Variants in DIXDC1 observed in about 807,000 individuals in gnomAD.
The protein encoded by DIXDC1 is dixin.
Under a neutral mutation model 103.1 loss-of-function variants are expected in DIXDC1, and 64 were observed. The observed-to-expected ratio is 0.62, with a 90% CI of 0.51 to 0.76. The LOEUF is 0.76. DIXDC1 is among the 30% of genes least tolerant of loss of function. DIXDC1 has a pLI of 0.00. For synonymous variants in DIXDC1, 266 were observed against 298.5 expected, an observed-to-expected ratio of 0.89 and a Z score of 1.12; for missense variants, 759 against 834.2, an observed-to-expected ratio of 0.91 and a Z score of 1.11.
intron 9 of DIXDC1, 44 bp downstream of exon 9, chr11:111,986,968 G>A (rs782300671): frequency 2.6e-6 from 4 of 1,520,566 alleles, no homozygotes; most frequent in Non-Finnish European, 3.6e-6. Context: ...AACATTATGG[G>A]GGCCAGGCAC....
In DIXDC1 at chr11:111,977,436, C is replaced by A. The variant is rs1860146943; in HGVS notation, c.656+2453C>A. ...GCCAGGGGGGATGCCCGGCACCGTGCGTCCGCGGAGGCCAAGATGCAGCGG... is the reference window on the plus strand; with the variant it reads ...GCCAGGGGGGATGCCCGGCACCGTGAGTCCGCGGAGGCCAAGATGCAGCGG... On this transcript the variant is annotated intron_variant, in intron 5 of 19. Coordinates refer to ENST00000440460, the MANE Select transcript of DIXDC1 (RefSeq NM_001037954.4). This position sits in a 1 kb window ranked among gnomAD's most constrained non-coding sequence, Gnocchi z 6.1. The A allele has an allele frequency of 8.2e-7, 1 of 1,217,940 alleles. No homozygotes were observed. Among genetic ancestry groups the A allele is most frequent in the Non-Finnish European group, 1.0e-6 (1 of 975,276 alleles). The allele number at this position is 1,217,940 out of a possible 1,614,324, so 75.4% of individuals were successfully genotyped here. A position where few individuals can be genotyped will look rare whatever the true frequency, so the allele number is the denominator to read the frequency against.
rs782639429 is a variant in DIXDC1, at chr11:111,957,538, G to A, written c.61-7011G>A. ...CATCATGTGCCTTTTGGTATGGTTC[G>A]CTGAGAAGAGCACAATGTGACTTCT... is the stretch of plus-strand genomic sequence containing the variant. On this transcript the variant is annotated intron_variant, in intron 1 of 19. Transcript: ENST00000440460. Among the ~76,000 whole-genome samples the A allele has an allele frequency of 5.3e-5, 8 of 152,190 alleles. No individual in the cohort carries two copies. In the East Asian group the frequency reaches 1.3e-3, roughly 26 times the overall value.
chr11:111,954,564 A>G (rs1253460624), intron 1 of DIXDC1, among the ~76,000 whole-genome samples: 3 of 152,212 alleles, frequency 2.0e-5, no homozygotes, highest in Non-Finnish European at 2.9e-5. Flanking sequence ...TGCAAATACT[A>G]TGCCATTTTA....
chr11:111,968,311 A>G (rs1475634738), intron 2 of DIXDC1, among the ~76,000 whole-genome samples: 2 of 152,184 alleles, frequency 1.3e-5, no homozygotes, highest in African/African-American at 4.8e-5. Flanking sequence ...ACAGACCCCT[A>G]AGTATAAATT....
intron 1 of DIXDC1, among the ~76,000 whole-genome samples, chr11:111,950,602 T>C (rs1488138642): frequency 1.3e-5 from 2 of 150,848 alleles, no homozygotes; most frequent in Admixed American, 1.3e-4. Context: ...ATTACAGGCG[T>C]GTGCCACCAT....
intron 5 of DIXDC1, chr11:111,975,611 T>A: frequency 1.0e-6 from 1 of 984,466 alleles, no homozygotes; most frequent in African/African-American, 1.8e-5. Context: ...CTTTACTGGC[T>A]CATGTAAATT....
At chr11:112,012,365 T>C (rs996731270) in intron 17 of DIXDC1, among the ~76,000 whole-genome samples, 2 of 152,184 alleles carry the variant, frequency 1.3e-5, no homozygotes, top group South Asian at 2.1e-4. Context: ...GGTGAATTGG[T>C]AGATACATAG....
intron 3 of DIXDC1, among the ~76,000 whole-genome samples, chr11:111,969,506 T>A (rs1555171878): frequency 6.6e-6 from 1 of 152,184 alleles, no homozygotes; most frequent in Non-Finnish European, 1.5e-5. Context: ...CTGTGACCTC[T>A]GCATCTGCCC....
chr11:111,974,162 C>CA lies in DIXDC1; in HGVS notation c.457dup (p.Thr153AsnfsTer17). ...TGCAAAGTCACCGACCACACTGTGC[C>CA]ACTGCTGTTGCCCAGGGAGCAGCTG... On this transcript the variant is annotated frameshift_variant, in exon 4 of 20. Transcript: ENST00000440460. LOFTEE classifies it high-confidence loss of function. The CA allele has an allele frequency of 1.9e-6, 3 of 1,614,032 alleles. No individual in the cohort carries two copies. Among genetic ancestry groups the CA allele is most frequent in the Non-Finnish European group, 2.5e-6 (3 of 1,179,906 alleles).
intron 2 of DIXDC1, among the ~76,000 whole-genome samples, chr11:111,965,067 A>G (rs1859684093): frequency 6.6e-6 from 1 of 152,154 alleles, no homozygotes; most frequent in African/African-American, 2.4e-5. Context: ...CAGAACTGAT[A>G]TCTCAACTGA....
At chr11:112,013,332 T>TGG (rs1227115079) in intron 17 of DIXDC1, among the ~76,000 whole-genome samples, 13 of 28,156 alleles carry the variant, frequency 4.6e-4, no homozygotes, top group African/African-American at 7.4e-4. Flanking sequence ...GGGGGTGGGG[T>TGG]GGGGGGGGGG....
chr11:111,959,970 C>T (rs1481392543), intron 1 of DIXDC1, among the ~76,000 whole-genome samples: 20 of 151,970 alleles, frequency 1.3e-4, no homozygotes, highest in African/African-American at 1.4e-4. Context: ...AGTGCACTGG[C>T]GCAATCTCGA....
At chr11:111,979,215 G>C (rs1555173011) in intron 5 of DIXDC1, among the ~76,000 whole-genome samples, 7 of 152,188 alleles carry the variant, frequency 4.6e-5, no homozygotes, top group Non-Finnish European at 5.9e-5. Context: ...CGGACAGTGA[G>C]GAGGATGAGA....
At chr11:111,981,361 T>A (rs1860301366) in intron 6 of DIXDC1, among the ~76,000 whole-genome samples, 1 of 152,246 alleles carries the variant, frequency 6.6e-6, no homozygotes, top group Admixed American at 6.5e-5. Flanking sequence ...CTTTATTTTT[T>A]CTTACATAGA....
At chr11:111,979,569 A>C (rs1479465310) in intron 5 of DIXDC1, among the ~76,000 whole-genome samples, 1 of 152,208 alleles carries the variant, frequency 6.6e-6, no homozygotes, top group Non-Finnish European at 1.5e-5. Flanking sequence ...CCAGCCTCAC[A>C]TTCCCATCTT....
At chr11:112,018,393 G>T (rs1196333168) in intron 19 of DIXDC1, among the ~76,000 whole-genome samples, 1 of 152,196 alleles carries the variant, frequency 6.6e-6, no homozygotes, top group Non-Finnish European at 1.5e-5. Flanking sequence ...GGGGAATACA[G>T]TTCTGGGTTA....
chr11:112,002,570 C>G (rs1365782098), intron 17 of DIXDC1, among the ~76,000 whole-genome samples: 1 of 152,146 alleles, frequency 6.6e-6, no homozygotes, highest in Non-Finnish European at 1.5e-5. Flanking sequence ...GCAGGAAGAT[C>G]GCTTGAGCTC....
At chr11:111,937,682 C>T in intron 1 of DIXDC1, 123 bp downstream of exon 1, 1 of 959,530 alleles carries the variant, frequency 1.0e-6, no homozygotes, top group Non-Finnish European at 1.6e-6. Context: ...CCCCCAGAAC[C>T]CCAAAGGGGC....
intron 1 of DIXDC1, among the ~76,000 whole-genome samples, chr11:111,949,023 A>G (rs2137464274): frequency 6.6e-6 from 1 of 152,014 alleles, no homozygotes; most frequent in South Asian, 2.1e-4. Context: ...AACTGTGGGC[A>G]TATTCCTCTG....
Sources: allele counts gnomAD v4.1 joint callset (sites outside exome capture counted in the v4.1 genomes callset), GRCh38; gene constraint gnomAD v4.1.1; non-coding constraint Gnocchi (gnomAD v3.1); transcripts MANE v1.5; gene names NCBI Gene and HGNC (gene_info 2026-07-23, HGNC 2026-07-21).